GRB14: variants seen among roughly 807,000 people sequenced by gnomAD.
GRB14 encodes the protein growth factor receptor-bound protein 14.
In GRB14, 38 loss-of-function variants were observed where a neutral mutation model predicts 69.1. That is an observed-to-expected ratio of 0.55 (90% CI 0.42 to 0.72). GRB14 has a LOEUF of 0.72. GRB14 is among the 30% of genes least tolerant of loss of function. The probability of loss-of-function intolerance (pLI) is 0.00; values close to 1 mark genes in which losing one functional copy is unlikely to be tolerated. For missense variants in GRB14, 666 were observed against 666.1 expected (o/e 1.00, Z 0.00); for synonymous variants, 247 against 241.3 (o/e 1.02, Z -0.22).
chr2:164,519,716 G>A (rs1687588432), intron 6 of GRB14, among the ~76,000 whole-genome samples: 1 of 151,916 alleles, frequency 6.6e-6, no homozygotes, highest in Non-Finnish European at 1.5e-5. Context: ...CACCAATAGT[G>A]ACCAAGCTGA....
At chr2:164,557,231 C>T (rs1423993770) in intron 2 of GRB14, among the ~76,000 whole-genome samples, 2 of 152,078 alleles carry the variant, frequency 1.3e-5, no homozygotes, top group Non-Finnish European at 2.9e-5. Flanking sequence ...AGCAGAAGGG[C>T]TAAGTTATGA....
At chr2:164,556,065 A>G (rs987829329) in intron 2 of GRB14, among the ~76,000 whole-genome samples, 7 of 152,174 alleles carry the variant, frequency 4.6e-5, no homozygotes, top group African/African-American at 1.4e-4. Flanking sequence ...AGATAACAAG[A>G]GACATTTTTA....
chr2:164,576,929 G>C (rs1268405090), intron 2 of GRB14, among the ~76,000 whole-genome samples: 1 of 151,606 alleles, frequency 6.6e-6, no homozygotes, highest in African/African-American at 2.4e-5. Context: ...GAAAAAGGGA[G>C]AAGGTACCAA....
chr2:164,548,291 C>T (rs1688438849), intron 2 of GRB14, among the ~76,000 whole-genome samples: 1 of 152,182 alleles, frequency 6.6e-6, no homozygotes, highest in African/African-American at 2.4e-5. Flanking sequence ...GGACTTATTT[C>T]ACTAAGCTTA....
At chr2:164,504,966 C>T (rs1687151908) in intron 8 of GRB14, among the ~76,000 whole-genome samples, 1 of 151,998 alleles carries the variant, frequency 6.6e-6, no homozygotes, top group Non-Finnish European at 1.5e-5. Flanking sequence ...TTGAAAGGGC[C>T]CCCAGACAAG....
intron 2 of GRB14, among the ~76,000 whole-genome samples, chr2:164,576,353 T>C (rs1381640139): frequency 1.3e-5 from 2 of 151,662 alleles, no homozygotes; most frequent in African/African-American, 2.4e-5. Flanking sequence ...TTAATTGCCA[T>C]ATATTTAACT....
chr2:164,525,923 A>G (rs760861781), intron 4 of GRB14, among the ~76,000 whole-genome samples: 1 of 152,040 alleles, frequency 6.6e-6, no homozygotes, highest in Non-Finnish European at 1.5e-5. Flanking sequence ...ACATTGTCCA[A>G]TCACCTCCCA....
chr2:164,519,784 T>C (rs1574265019), intron 6 of GRB14, among the ~76,000 whole-genome samples: 1 of 151,898 alleles, frequency 6.6e-6, no homozygotes, highest in Non-Finnish European at 1.5e-5. Flanking sequence ...TAAAATAAAA[T>C]ACTTAGGAAT....
intron 2 of GRB14, among the ~76,000 whole-genome samples, chr2:164,560,346 T>C (rs1208600620): frequency 6.6e-6 from 1 of 152,196 alleles, no homozygotes; most frequent in African/African-American, 2.4e-5. Context: ...TCACTTTTCA[T>C]AGCTTCTCGC....
At chr2:164,524,107 A>G (rs912651103) in intron 5 of GRB14, among the ~76,000 whole-genome samples, 29 of 152,212 alleles carry the variant, frequency 1.9e-4, no homozygotes, top group African/African-American at 6.5e-4. Flanking sequence ...ACCTATTAAA[A>G]AGCCCACAGA....
intron 6 of GRB14, among the ~76,000 whole-genome samples, chr2:164,521,533 T>C (rs991387156): frequency 6.6e-6 from 1 of 152,072 alleles, no homozygotes; most frequent in Non-Finnish European, 1.5e-5. Flanking sequence ...CAATCAATAA[T>C]AAAAGAGCAA....
At chr2:164,544,413 T>A (rs1352233532) in intron 3 of GRB14, among the ~76,000 whole-genome samples, 2 of 152,056 alleles carry the variant, frequency 1.3e-5, no homozygotes, top group African/African-American at 4.8e-5. Context: ...CAAAAAAAAA[T>A]TTAAGTCCCC....
intron 2 of GRB14, among the ~76,000 whole-genome samples, chr2:164,567,668 T>C (rs564047467): frequency 6.6e-6 from 1 of 152,156 alleles, no homozygotes. Context: ...TAAAATGCAA[T>C]GCTGTAAGTG....
intron 7 of GRB14, 83 bp from the exon 8 acceptor site, chr2:164,508,633 CTATA>C: frequency 2.8e-6 from 4 of 1,442,474 alleles, no homozygotes; most frequent in Non-Finnish European, 3.9e-6. Flanking sequence ...TAAAATTCTC[CTATA>C]TATAAGAGAA....
chr2:164,588,820 G>A (rs932066241), intron 2 of GRB14, among the ~76,000 whole-genome samples: 25 of 152,152 alleles, frequency 1.6e-4, no homozygotes, highest in Admixed American at 1.2e-3. Context: ...GGAAGAACCT[G>A]CAAGCAATTT....
At chr2:164,593,848 T>A (rs1689724031) in intron 2 of GRB14, among the ~76,000 whole-genome samples, 2 of 152,122 alleles carry the variant, frequency 1.3e-5, no homozygotes, top group South Asian at 4.1e-4. Context: ...TAAGACTGTT[T>A]TACGTTTCTT....
intron 2 of GRB14, among the ~76,000 whole-genome samples, chr2:164,586,169 A>G (rs970724325): frequency 6.6e-6 from 1 of 152,160 alleles, no homozygotes; most frequent in Non-Finnish European, 1.5e-5. Flanking sequence ...AAATGGGAGG[A>G]AGTGAAGGAA....
intron 5 of GRB14, among the ~76,000 whole-genome samples, chr2:164,523,312 G>A (rs1427613217): frequency 6.6e-6 from 1 of 152,000 alleles, no homozygotes; most frequent in Non-Finnish European, 1.5e-5. Flanking sequence ...TTGAGACAGT[G>A]GGCATGTGTT....
At chr2:164,601,207 G>T (rs1420572908) in intron 2 of GRB14, among the ~76,000 whole-genome samples, 1 of 151,926 alleles carries the variant, frequency 6.6e-6, no homozygotes, top group Non-Finnish European at 1.5e-5. Context: ...GTTTCTGAAA[G>T]TCATTCAAAA....
Sources: allele counts gnomAD v4.1 joint callset (sites outside exome capture counted in the v4.1 genomes callset), GRCh38; gene constraint gnomAD v4.1.1; transcripts MANE v1.5; gene names NCBI Gene and HGNC (gene_info 2026-07-23, HGNC 2026-07-21).